The following SLMAP variants were observed in gnomAD, a reference collection of about 807,000 sequenced individuals.
SLMAP encodes the protein sarcolemmal membrane-associated protein.
SLMAP carries 44 observed loss-of-function variants against 128.8 expected under a neutral mutation model. The ratio of observed to expected loss-of-function variants is 0.34; its 90% CI spans 0.27 to 0.44. SLMAP has a LOEUF of 0.44. SLMAP is among the 20% of genes least tolerant of loss of function. The pLI, the probability that SLMAP is intolerant of heterozygous loss-of-function variation, is 1.00. For missense variants in SLMAP, 787 were observed against 985.3 expected (o/e 0.80, Z 2.69); for synonymous variants, 327 against 348.8 (o/e 0.94, Z 0.70).
chr3:57,763,797 TA>T (rs1253454106), intron 2 of SLMAP, among the ~76,000 whole-genome samples: 5 of 152,214 alleles, frequency 3.3e-5, no homozygotes, highest in African/African-American at 2.4e-5. Context: ...ACTTTAAAAT[TA>T]GGGGTGGATA....
intron 6 of SLMAP, among the ~76,000 whole-genome samples, chr3:57,851,720 AGTG>A (rs2094510641): frequency 6.6e-6 from 1 of 151,850 alleles, no homozygotes; most frequent in Non-Finnish European, 1.5e-5. Context: ...CCTGACCTCA[AGTG>A]ATCCATCCAC....
chr3:57,903,127 A>C (rs1160391488), intron 17 of SLMAP, among the ~76,000 whole-genome samples: 2 of 152,206 alleles, frequency 1.3e-5, no homozygotes, highest in African/African-American at 4.8e-5. Flanking sequence ...GAAAGAAAAG[A>C]ACAATGGTGA....
At chr3:57,834,555 T>C (rs2093527401) in intron 3 of SLMAP, among the ~76,000 whole-genome samples, 1 of 152,132 alleles carries the variant, frequency 6.6e-6, no homozygotes, top group African/African-American at 2.4e-5. Context: ...ATTTGATTAA[T>C]TGATTGTTTT....
At chr3:57,774,124 G>A (rs2081378998) in intron 2 of SLMAP, among the ~76,000 whole-genome samples, 1 of 152,162 alleles carries the variant, frequency 6.6e-6, no homozygotes, top group Admixed American at 6.5e-5. Flanking sequence ...CACCTATGTA[G>A]TAGTACTAGT....
At chr3:57,769,458 G>C (rs987006173) in intron 2 of SLMAP, among the ~76,000 whole-genome samples, 1 of 152,026 alleles carries the variant, frequency 6.6e-6, no homozygotes, top group African/African-American at 2.4e-5. Flanking sequence ...CTCCCAAAGT[G>C]CTGGGATTAC....
At chr3:57,774,551 G>A (rs376779894) in intron 2 of SLMAP, among the ~76,000 whole-genome samples, 205 of 150,130 alleles carry the variant, frequency 1.4e-3, no homozygotes, top group African/African-American at 4.4e-3. Flanking sequence ...TTGAGACGAA[G>A]TCTTACTCTG....
intron 17 of SLMAP, among the ~76,000 whole-genome samples, chr3:57,903,520 C>G (rs537176216): frequency 2.2e-4 from 34 of 152,258 alleles, no homozygotes; most frequent in African/African-American, 7.7e-4. Flanking sequence ...TGTCAGAGTT[C>G]AGTTGAGCAA....
intron 2 of SLMAP, among the ~76,000 whole-genome samples, chr3:57,783,146 G>A (rs141538035): frequency 6.6e-6 from 1 of 152,288 alleles, no homozygotes; most frequent in East Asian, 1.9e-4. Context: ...AGAAGAATTT[G>A]GAGGAGCAGG....
chr3:57,860,273 T>C (rs1457220622), intron 8 of SLMAP, among the ~76,000 whole-genome samples: 3 of 152,206 alleles, frequency 2.0e-5, no homozygotes, highest in Non-Finnish European at 4.4e-5. Context: ...TTTTGTACTT[T>C]TCCTGCCCCA....
At chr3:57,816,793 T>C (rs998148916) in intron 2 of SLMAP, among the ~76,000 whole-genome samples, 2 of 152,220 alleles carry the variant, frequency 1.3e-5, no homozygotes, top group Non-Finnish European at 2.9e-5. Context: ...AGAAATCTTA[T>C]TTGTTAAGCT....
chr3:57,758,435 A>G (rs1431259311), intron 2 of SLMAP, among the ~76,000 whole-genome samples: 1 of 152,322 alleles, frequency 6.6e-6, no homozygotes, highest in African/African-American at 2.4e-5. Flanking sequence ...CTGTAACTTT[A>G]TATATTTTCA....
At chr3:57,811,984 C>A (rs1474254787) in intron 2 of SLMAP, among the ~76,000 whole-genome samples, 1 of 152,138 alleles carries the variant, frequency 6.6e-6, no homozygotes, top group African/African-American at 2.4e-5. Context: ...AATCCCTTAT[C>A]AAATGTATGA....
At chr3:57,851,518 G>T (rs1490858683) in intron 6 of SLMAP, among the ~76,000 whole-genome samples, 1 of 149,770 alleles carries the variant, frequency 6.7e-6, no homozygotes, top group Non-Finnish European at 1.5e-5. Flanking sequence ...TGTCACCCAC[G>T]CTGGAGTGCA....
At chr3:57,778,072 T>C (rs559352025) in intron 2 of SLMAP, among the ~76,000 whole-genome samples, 2 of 152,344 alleles carry the variant, frequency 1.3e-5, no homozygotes, top group African/African-American at 4.8e-5. Context: ...GAAGTATTCG[T>C]CTTAAATGCT....
At chr3:57,924,110 C>T (rs2096961133) in intron 23 of SLMAP, among the ~76,000 whole-genome samples, 1 of 152,094 alleles carries the variant, frequency 6.6e-6, no homozygotes, top group Admixed American at 6.5e-5. Flanking sequence ...CTAAATTAAC[C>T]CATGAAGACA....
intron 22 of SLMAP, among the ~76,000 whole-genome samples, chr3:57,921,358 G>A (rs901493860): frequency 5.3e-5 from 8 of 152,146 alleles, no homozygotes; most frequent in Non-Finnish European, 1.2e-4. Context: ...GGGGCACGGT[G>A]GCTCATGCCT....
intron 17 of SLMAP, among the ~76,000 whole-genome samples, chr3:57,903,458 T>C (rs1006379965): frequency 3.9e-5 from 6 of 152,166 alleles, no homozygotes; most frequent in Non-Finnish European, 8.8e-5. Flanking sequence ...ACATGCAAAA[T>C]AGAACTTGGG....
intron 6 of SLMAP, among the ~76,000 whole-genome samples, chr3:57,853,290 G>T (rs781056812): frequency 3.9e-5 from 6 of 152,122 alleles, no homozygotes; most frequent in Admixed American, 3.3e-4. Context: ...TTCTTTAACC[G>T]ATAGCTTTAT....
intron 2 of SLMAP, among the ~76,000 whole-genome samples, chr3:57,761,686 G>C (rs186847206): frequency 1.2e-4 from 18 of 152,302 alleles, no homozygotes; most frequent in East Asian, 7.7e-4. Context: ...GGTAATATGT[G>C]CTTTGGGTGA....
Sources: allele counts gnomAD v4.1 joint callset (sites outside exome capture counted in the v4.1 genomes callset), GRCh38; gene constraint gnomAD v4.1.1; transcripts MANE v1.5; gene names NCBI Gene and HGNC (gene_info 2026-07-23, HGNC 2026-07-21).